The following SDK1 variants were observed in gnomAD, a reference collection of about 807,000 sequenced individuals.
SDK1 encodes sidekick cell adhesion molecule 1.
A neutral mutation model predicts 245.5 loss-of-function variants in SDK1; 157 were observed. The ratio of observed to expected loss-of-function variants is 0.64; its 90% CI spans 0.56 to 0.73. The LOEUF (loss-of-function observed/expected upper bound fraction) is 0.73. Ranked by LOEUF, SDK1 falls within the 30% of genes least tolerant of loss-of-function variation. The probability of loss-of-function intolerance (pLI) is 0.00; values close to 1 mark genes in which losing one functional copy is unlikely to be tolerated. For synonymous variants in SDK1, 1,647 were observed against 1,278.5 expected (o/e 1.29, Z -6.15); for missense variants, 3,583 against 3,002.3 (o/e 1.19, Z -4.52).
intron 1 of SDK1, among the ~76,000 whole-genome samples, chr7:3,363,754 C>T (rs554041306): frequency 1.2e-4 from 19 of 152,306 alleles, no homozygotes; most frequent in African/African-American, 2.4e-4. Flanking sequence ...CTGATTTGCC[C>T]GGAGGAGCTC....
At chr7:4,143,762 G>T (rs1230433083) in intron 28 of SDK1, among the ~76,000 whole-genome samples, 1 of 152,170 alleles carries the variant, frequency 6.6e-6, no homozygotes, top group Non-Finnish European at 1.5e-5. Flanking sequence ...GGAAGAGTAG[G>T]CACCCATGGG....
intron 1 of SDK1, among the ~76,000 whole-genome samples, chr7:3,579,881 G>C (rs1267498429): frequency 6.6e-6 from 1 of 152,226 alleles, no homozygotes; most frequent in Non-Finnish European, 1.5e-5. Context: ...ACCCAGAGGT[G>C]CCTTGGGTGA....
chr7:3,629,473 A>C (rs1341931163), intron 2 of SDK1, among the ~76,000 whole-genome samples: 1 of 152,196 alleles, frequency 6.6e-6, no homozygotes, highest in Non-Finnish European at 1.5e-5. Context: ...TAGAGGCAAT[A>C]GTTCCCTGTG....
chr7:3,676,322 CTTTTTTTTTTTT>C (rs3086109), intron 4 of SDK1, among the ~76,000 whole-genome samples: 16 of 133,338 alleles, frequency 1.2e-4, no homozygotes, highest in Non-Finnish European at 2.2e-4. Flanking sequence ...TCTTCTAGTA[CTTTTTTTTTTTT>C]TTTTTTTTTG....
chr7:3,982,574 C>T (rs1203982251), intron 13 of SDK1, among the ~76,000 whole-genome samples: 2 of 152,128 alleles, frequency 1.3e-5, no homozygotes, highest in Non-Finnish European at 2.9e-5. Flanking sequence ...GGCGCGGTGG[C>T]TCACGCCTGT....
intron 22 of SDK1, among the ~76,000 whole-genome samples, chr7:4,102,205 C>CCTTCCTGGGT (rs1254083859): frequency 6.6e-6 from 1 of 152,118 alleles, no homozygotes; most frequent in African/African-American, 2.4e-5. Flanking sequence ...GGCCTCTGGG[C>CCTTCCTGGGT]CTTCCTGGTT....
chr7:4,248,946 AC>A (rs1787110286), intron 44 of SDK1, among the ~76,000 whole-genome samples: 1 of 147,966 alleles, frequency 6.8e-6, no homozygotes, highest in Non-Finnish European at 1.5e-5. Context: ...CATGCACAAC[AC>A]ATACATACCT....
intron 1 of SDK1, among the ~76,000 whole-genome samples, chr7:3,449,425 A>T (rs1273133497): frequency 6.6e-6 from 1 of 151,382 alleles, no homozygotes; most frequent in African/African-American, 2.4e-5. Context: ...TATACAAATG[A>T]TGAAGGAGAG....
chr7:3,658,412 G>A (rs1235333582), intron 4 of SDK1, among the ~76,000 whole-genome samples: 1 of 151,908 alleles, frequency 6.6e-6, no homozygotes, highest in Non-Finnish European at 1.5e-5. Flanking sequence ...AATACAATGA[G>A]TCTGGCTTCT....
intron 7 of SDK1, among the ~76,000 whole-genome samples, chr7:3,952,872 G>C (rs1295270396): frequency 6.6e-6 from 1 of 152,086 alleles, no homozygotes; most frequent in East Asian, 1.9e-4. Context: ...CCTATTATCA[G>C]TTTATGAGGA....
intron 1 of SDK1, among the ~76,000 whole-genome samples, chr7:3,616,362 C>A (rs1460279085): frequency 6.6e-6 from 1 of 152,200 alleles, no homozygotes; most frequent in African/African-American, 2.4e-5. Context: ...ACACGTGTGG[C>A]CCTGCCTGCA....
chr7:4,196,698 G>A, intron 35 of SDK1, among the ~76,000 whole-genome samples: 1 of 152,164 alleles, frequency 6.6e-6, no homozygotes, highest in East Asian at 1.9e-4. Context: ...CTGAGGGCTG[G>A]AATTGCCTGC....
intron 5 of SDK1, among the ~76,000 whole-genome samples, chr7:3,914,693 C>T (rs995758314): frequency 2.0e-5 from 3 of 152,076 alleles, no homozygotes; most frequent in Non-Finnish European, 2.9e-5. Context: ...GTGACAGCCA[C>T]GGTGACATGG....
intron 40 of SDK1, among the ~76,000 whole-genome samples, chr7:4,225,731 A>G (rs1785401181): frequency 6.6e-6 from 1 of 152,116 alleles, no homozygotes; most frequent in Non-Finnish European, 1.5e-5. Context: ...AAGCTTCTGA[A>G]GTCAGCTGAG....
At chr7:3,989,258 G>A (rs78424427) in intron 14 of SDK1, among the ~76,000 whole-genome samples, 96 of 152,284 alleles carry the variant, frequency 6.3e-4, no homozygotes, top group African/African-American at 2.0e-3. Flanking sequence ...CTCACATGGC[G>A]GCAGACAAGA....
rs1014109080 is a variant in SDK1, at chr7:3,469,140, C to T, written c.299-149940C>T. 6.6e-5 allele frequency among the ~76,000 whole-genome samples: 10 copies of T among 152,068 alleles called. No individual in the cohort carries two copies. The South Asian group carries it at 8.3e-4, about 13-fold the overall frequency. On this transcript the variant is annotated intron_variant, in intron 1 of 44. Transcript: ENST00000404826. ...TTTCGTGTCAATTATGTAATTCCATCAGAAATTCCCCAAAGGACACACCTG... is the reference window on the plus strand; with the variant it reads ...TTTCGTGTCAATTATGTAATTCCATTAGAAATTCCCCAAAGGACACACCTG...
chr7:3,728,521 C>T (rs752935376), intron 4 of SDK1, among the ~76,000 whole-genome samples: 6 of 152,224 alleles, frequency 3.9e-5, no homozygotes, highest in African/African-American at 1.4e-4. Context: ...CTCTTCCCAG[C>T]ATTTCTTTCT....
chr7:3,728,414 G>A lies in SDK1; in HGVS notation c.713+86309G>A, dbSNP rs534195246. Among the ~76,000 whole-genome samples the A allele has an allele frequency of 5.9e-5, 9 of 152,294 alleles. No homozygotes were observed. In the East Asian group the frequency reaches 1.7e-3, roughly 29 times the overall value. ...ATTGAGAATTGCATTAGGAAGGAAG[G>A]CGGGATGTGCTCACCACCTCTTAGC... is the stretch of plus-strand genomic sequence containing the variant. On this transcript the variant is annotated intron_variant, in intron 4 of 44. Coordinates refer to ENST00000404826, the MANE Select transcript of SDK1 (RefSeq NM_152744.4).
intron 4 of SDK1, among the ~76,000 whole-genome samples, chr7:3,815,822 C>CA (rs1779494567): frequency 6.7e-6 from 1 of 149,432 alleles, no homozygotes; most frequent in Admixed American, 6.7e-5. Context: ...ACACCTATTC[C>CA]AAAATTGACC....
Sources: allele counts gnomAD v4.1 joint callset (sites outside exome capture counted in the v4.1 genomes callset), GRCh38; gene constraint gnomAD v4.1.1; transcripts MANE v1.5; gene names NCBI Gene and HGNC (gene_info 2026-07-23, HGNC 2026-07-21).